Variants in PDZD2 observed in about 807,000 individuals in gnomAD.
The protein encoded by PDZD2 is PDZ domain containing 2.
Under a neutral mutation model 220.7 loss-of-function variants are expected in PDZD2, and 90 were observed. That is an observed-to-expected ratio of 0.41 (90% CI 0.34 to 0.49). PDZD2 has a LOEUF of 0.49. Ranked by LOEUF, PDZD2 falls within the 20% of genes least tolerant of loss-of-function variation. The pLI is 0.28. For synonymous variants in PDZD2, 1,375 were observed against 1,450.5 expected (o/e 0.95, Z 1.18); for missense variants, 3,174 against 3,608.5 (o/e 0.88, Z 3.08).
rs187245138 is a variant in PDZD2, at chr5:31,969,181, A to G, written c.477-13974A>G. Reference sequence around the variant, plus strand: ...TCAGGGTAATGGGGCATGTTAGGAAAGTGAGAAGGAAAGTGAGAAAGATAA... The same window carrying G: ...TCAGGGTAATGGGGCATGTTAGGAAGGTGAGAAGGAAAGTGAGAAAGATAA... On this transcript the variant is annotated intron_variant, in intron 2 of 24. Coordinates refer to ENST00000438447, the MANE Select transcript of PDZD2 (RefSeq NM_178140.4). Among the ~76,000 whole-genome samples, 396 of 152,090 alleles carry G rather than the reference A, an allele frequency of 2.6e-3. 2 individuals are homozygous for G. Among genetic ancestry groups the G allele is most frequent in the African/African-American group, 9.3e-3 (387 of 41,490 alleles).
chr5:32,028,593 G>A (rs1754858524), intron 6 of PDZD2, among the ~76,000 whole-genome samples: 1 of 149,124 alleles, frequency 6.7e-6, no homozygotes, highest in Admixed American at 6.7e-5. Context: ...TTGACTTTTT[G>A]TGTTTAAAAA....
chr5:32,048,321 A>G (rs2112285478), intron 7 of PDZD2, among the ~76,000 whole-genome samples: 1 of 152,240 alleles, frequency 6.6e-6, no homozygotes, highest in Middle Eastern at 3.4e-3. Context: ...AAAAACTGGC[A>G]GTTTTTTCGT....
intron 2 of PDZD2, among the ~76,000 whole-genome samples, chr5:31,801,872 A>G (rs1754412877): frequency 6.6e-6 from 1 of 152,120 alleles, no homozygotes; most frequent in African/African-American, 2.4e-5. Flanking sequence ...AGTCTTTAGG[A>G]GGCAAAGTTT....
chr5:31,808,262 T>G (rs1459302568), intron 2 of PDZD2, among the ~76,000 whole-genome samples: 3 of 152,192 alleles, frequency 2.0e-5, no homozygotes, highest in Non-Finnish European at 4.4e-5. Flanking sequence ...AAAGGTGAAA[T>G]TATACTCAGC....
chr5:32,067,681 T>G (rs1389125070), intron 14 of PDZD2, among the ~76,000 whole-genome samples: 1 of 152,180 alleles, frequency 6.6e-6, no homozygotes, highest in African/African-American at 2.4e-5. Context: ...TTTTAAATAC[T>G]CCTACCTTTA....
Position 32,074,106 on chromosome 5 carries a change from C to T in PDZD2, c.3000C>T (p.Asp1000=). 1 of 1,614,196 alleles carries T rather than the reference C, an allele frequency of 6.2e-7. No individual in the cohort carries two copies. Among genetic ancestry groups the T allele is most frequent in the Non-Finnish European group, 8.5e-7 (1 of 1,180,030 alleles). Residue 1000 remains aspartate, a synonymous_variant, in exon 18 of 25, where the codon GAC becomes GAT. Coordinates refer to ENST00000438447, the MANE Select transcript of PDZD2 (RefSeq NM_178140.4). The stretch of plus-strand genomic sequence containing the variant: ...CCATCAGGCCTCTGTCAGAGGATGA[C>T]CCGAGGCGTGTCTCAATTTCCTCTT... The part of the protein sequence containing the change: ...PGPIRPLSED[D]PRRVSISSSK...
At chr5:32,069,789 G>T in intron 15 of PDZD2, 139 bp downstream of exon 15, 1 of 606,962 alleles carries the variant, frequency 1.6e-6, no homozygotes. Flanking sequence ...GACAGTCTAT[G>T]CTTTCTCTTG....
intron 2 of PDZD2, among the ~76,000 whole-genome samples, chr5:31,929,726 T>C (rs1182895644): frequency 7.1e-6 from 1 of 141,440 alleles, no homozygotes; most frequent in Non-Finnish European, 1.5e-5. Flanking sequence ...GTGCTGGACA[T>C]GTGTAATCCC....
At chr5:31,786,120 A>G (rs1452410572) in intron 1 of PDZD2, among the ~76,000 whole-genome samples, 1 of 152,108 alleles carries the variant, frequency 6.6e-6, no homozygotes, top group African/African-American at 2.4e-5. Context: ...TTCCCACAGC[A>G]AGGCCTGGGA....
intron 1 of PDZD2, among the ~76,000 whole-genome samples, chr5:31,709,044 C>A (rs932453500): frequency 6.6e-6 from 1 of 151,890 alleles, no homozygotes; most frequent in Non-Finnish European, 1.5e-5. Flanking sequence ...CGCACCACCA[C>A]GCCTGGCTAA....
intron 2 of PDZD2, among the ~76,000 whole-genome samples, chr5:31,844,940 GAACAAGTTTCTTTAAACAAGA>G (rs761047851): frequency 1.1e-4 from 16 of 152,126 alleles, no homozygotes; most frequent in East Asian, 1.9e-4. Flanking sequence ...CTGTGAGTGG[GAACAAGTTTCTTTAAACAAGA>G]AACAAGTTTC....
chr5:31,723,710 C>G (rs1427579524), intron 1 of PDZD2, among the ~76,000 whole-genome samples: 1 of 152,098 alleles, frequency 6.6e-6, no homozygotes, highest in Non-Finnish European at 1.5e-5. Flanking sequence ...CTCCGCCTCC[C>G]CAGTTCAAGT....
intron 14 of PDZD2, among the ~76,000 whole-genome samples, chr5:32,065,822 C>A (rs1407404321): frequency 6.6e-6 from 1 of 152,084 alleles, no homozygotes; most frequent in Non-Finnish European, 1.5e-5. Flanking sequence ...ATCAGGAGTT[C>A]TAGACCAGTC....
Position 31,809,047 on chromosome 5 carries a change from A to G in PDZD2, c.476+9323A>G, listed in dbSNP as rs148665037. On this transcript the variant is annotated intron_variant, in intron 2 of 24. Coordinates refer to ENST00000438447, the MANE Select transcript of PDZD2 (RefSeq NM_178140.4). ...TTTTTTAACAGTTTATTATTTACATAAAAACATAGAAAATCTATGTTTTTA... is the reference window on the plus strand; with the variant it reads ...TTTTTTAACAGTTTATTATTTACATGAAAACATAGAAAATCTATGTTTTTA... Among the ~76,000 whole-genome samples the G allele has an allele frequency of 3.7e-3, 565 of 152,336 alleles. 5 individuals carry two copies. The highest frequency in any genetic ancestry group is 0.013 in the African/African-American group (548 of 41,580).
intron 23 of PDZD2, chr5:32,099,900 A>G (rs1297845534): frequency 1.3e-5 from 2 of 152,248 alleles, no homozygotes; most frequent in East Asian, 3.8e-4. Context: ...ACCCAGGTCT[A>G]CCCGGTCCTA....
At chr5:31,776,450 T>TTTTA (rs10592711) in intron 1 of PDZD2, among the ~76,000 whole-genome samples, 31,715 of 138,930 alleles carry the variant, frequency 0.23, 3,805 homozygotes, top group African/African-American at 0.26. Context: ...TGTGTTTTTA[T>TTTTA]TTTATTTATT....
chr5:31,813,682 A>C (rs1375197212), intron 2 of PDZD2, among the ~76,000 whole-genome samples: 1 of 152,226 alleles, frequency 6.6e-6, no homozygotes, highest in Non-Finnish European at 1.5e-5. Flanking sequence ...TAGCTAAAAT[A>C]ATACATGGAA....
intron 2 of PDZD2, among the ~76,000 whole-genome samples, chr5:31,914,147 G>A (rs972557155): frequency 1.2e-4 from 19 of 152,158 alleles, no homozygotes; most frequent in African/African-American, 3.4e-4. Flanking sequence ...ATGCCTACAC[G>A]GCTCCAAAAC....
Position 32,073,984 on chromosome 5 carries a change from A to C in PDZD2, c.2878A>C (p.Arg960=). 6.2e-7 allele frequency: 1 copy of C among 1,614,166 alleles called. No individual in the cohort carries two copies. The highest frequency in any genetic ancestry group is 1.1e-5 in the South Asian group (1 of 91,080). ...QALRNPLLRQ[R]KVGCYDANDA... Reference sequence around the variant, plus strand: ...CCTCCGAAACCCTCTCCTCCGCCAGAGGAAGGTAGGCTGCTACGATGCCAA... The same window carrying C: ...CCTCCGAAACCCTCTCCTCCGCCAGCGGAAGGTAGGCTGCTACGATGCCAA... The change falls in exon 18 of 25, where the codon AGG becomes CGG. Residue 960 remains arginine, a synonymous_variant. Coordinates refer to ENST00000438447, the MANE Select transcript of PDZD2 (RefSeq NM_178140.4).
Sources: gnomAD v4.1 joint callset for allele counts (sites outside exome capture counted in the v4.1 genomes callset) on GRCh38, gnomAD v4.1.1 for gene constraint, MANE v1.5 for transcripts, NCBI Gene and HGNC (gene_info 2026-07-23, HGNC 2026-07-21) for gene names.